The following NOTCH2NLC variants were observed in gnomAD, a reference collection of about 807,000 sequenced individuals.
NOTCH2NLC encodes the protein notch homolog 2 N-terminal-like protein C.
NOTCH2NLC carries 4 observed loss-of-function variants against 17.7 expected under a neutral mutation model. The observed-to-expected ratio is 0.23, with a 90% CI of 0.11 to 0.52. NOTCH2NLC has a LOEUF of 0.52. Ranked by LOEUF, NOTCH2NLC falls within the 20% of genes least tolerant of loss-of-function variation. The probability of loss-of-function intolerance (pLI) is 0.96; values close to 1 mark genes in which losing one functional copy is unlikely to be tolerated. For missense variants in NOTCH2NLC, 57 were observed against 207.2 expected (o/e 0.28, Z 4.45); for synonymous variants, 18 against 86.0 (o/e 0.21, Z 4.38).
At chr1:149,426,558 TCTA>T (rs1407016977) in intron 1 of NOTCH2NLC, among the ~76,000 whole-genome samples, 3 of 138,854 alleles carry the variant, frequency 2.2e-5, no homozygotes, top group African/African-American at 5.2e-5. Flanking sequence ...GAGATTGAAA[TCTA>T]CTACTTCTTT....
chr1:149,442,077 C>T (rs1178304628), intron 2 of NOTCH2NLC, among the ~76,000 whole-genome samples: 25 of 150,048 alleles, frequency 1.7e-4, no homozygotes, highest in African/African-American at 5.1e-4. Context: ...AACTAATCAG[C>T]AGGTCAGATT....
At chr1:149,441,047 G>A (rs2084516399) in intron 2 of NOTCH2NLC, among the ~76,000 whole-genome samples, 1 of 150,540 alleles carries the variant, frequency 6.6e-6, no homozygotes, top group Non-Finnish European at 1.5e-5. Context: ...AGACAGAGAG[G>A]CGGTAGGCTT....
chr1:149,417,505 A>G (rs1186352846), intron 1 of NOTCH2NLC, among the ~76,000 whole-genome samples: 1 of 151,404 alleles, frequency 6.6e-6, no homozygotes, highest in African/African-American at 2.4e-5. Flanking sequence ...CCTGGTTCAG[A>G]CATCTTGATT....
In NOTCH2NLC at chr1:149,468,952, T is replaced by C. The variant is rs2084701554; in HGVS notation, c.*4799T>C. On this transcript the variant is annotated 3_prime_UTR_variant, in exon 5 of 5. Coordinates refer to ENST00000650865, the MANE Select transcript of NOTCH2NLC (RefSeq NM_001364013.2). ...CTTGGGGGCATGTGTCATTTTCTTT[T>C]CTTTTCTTTTTTTTTTTTTTTTTTT... Among the ~76,000 whole-genome samples, 1 of 128,436 alleles carries C rather than the reference T, an allele frequency of 7.8e-6. No individual in the cohort carries two copies. Among genetic ancestry groups the C allele is most frequent in the Admixed American group, 8.0e-5 (1 of 12,518 alleles). The allele number at this position is 128,436 out of a possible 152,430, so 84.3% of individuals were successfully genotyped here.
chr1:149,427,403 A>AT (rs1243921043), intron 1 of NOTCH2NLC, among the ~76,000 whole-genome samples: 3 of 148,108 alleles, frequency 2.0e-5, no homozygotes, highest in Non-Finnish European at 4.5e-5. Flanking sequence ...CACTTAGCAT[A>AT]ATGTTCTCCA....
intron 2 of NOTCH2NLC, among the ~76,000 whole-genome samples, chr1:149,435,462 C>A (rs1410503229): frequency 1.3e-5 from 2 of 148,854 alleles, no homozygotes; most frequent in African/African-American, 5.0e-5. Flanking sequence ...GCCCTTAGTC[C>A]GATGACACAA....
intron 1 of NOTCH2NLC, among the ~76,000 whole-genome samples, chr1:149,430,497 G>A (rs1371868126): frequency 6.8e-5 from 10 of 147,518 alleles, no homozygotes; most frequent in East Asian, 2.1e-4. Flanking sequence ...GAAGCAGTCC[G>A]TTTTAAAACT....
At chr1:149,405,494 C>A (rs2084263142) in intron 1 of NOTCH2NLC, among the ~76,000 whole-genome samples, 1 of 147,194 alleles carries the variant, frequency 6.8e-6, no homozygotes, top group South Asian at 2.2e-4. Flanking sequence ...ATCACCTAGC[C>A]AGTCAGTGGT....
intron 1 of NOTCH2NLC, among the ~76,000 whole-genome samples, chr1:149,408,576 G>A (rs2084282043): frequency 6.6e-6 from 1 of 151,170 alleles, no homozygotes; most frequent in Non-Finnish European, 1.5e-5. Context: ...TGTATCTAGA[G>A]CCTGTGGGAA....
At chr1:149,402,084 C>CTT (rs1359556729) in intron 1 of NOTCH2NLC, among the ~76,000 whole-genome samples, 19 of 143,650 alleles carry the variant, frequency 1.3e-4, no homozygotes, top group African/African-American at 4.3e-4. Context: ...CTTGATTTTT[C>CTT]TTTTTTTTTT....
At chr1:149,407,236 G>A (rs1182492854) in intron 1 of NOTCH2NLC, among the ~76,000 whole-genome samples, 2 of 145,520 alleles carry the variant, frequency 1.4e-5, no homozygotes, top group Non-Finnish European at 3.0e-5. Context: ...TTGGTTTTCA[G>A]CATTGGGAAA....
chr1:149,430,976 G>T lies in NOTCH2NLC; in HGVS notation c.170G>T (p.Gly57Val), dbSNP rs2084446058. ...GGCTATGAACCCTGTGTAAATGAAG[G>T]AATGTGTGTTACCTACCACAATGGC... Reference protein sequence around the residue: ...RDGYEPCVNEGMCVTYHNGTG... With the variant: ...RDGYEPCVNEVMCVTYHNGTG... The change falls in exon 2 of 5, where the codon GGA becomes GTA. Residue 57 changes from glycine (G) to valine (V), a missense_variant. By Grantham distance (109) the Gly-to-Val change is moderately radical (BLOSUM62 -3). Coordinates refer to ENST00000650865, the MANE Select transcript of NOTCH2NLC (RefSeq NM_001364013.2). 1 of 417,686 alleles carries T rather than the reference G, an allele frequency of 2.4e-6. No homozygotes were observed. Among genetic ancestry groups the T allele is most frequent in the Admixed American group, 4.9e-5 (1 of 20,512 alleles). 25.9% of individuals were successfully genotyped at this position (417,686 alleles called of 1,614,324 possible). A position where few individuals can be genotyped will look rare whatever the true frequency, so the allele number is the denominator to read the frequency against.
chr1:149,446,476 C>T (rs2084553813), intron 2 of NOTCH2NLC, among the ~76,000 whole-genome samples: 1 of 146,814 alleles, frequency 6.8e-6, no homozygotes, highest in African/African-American at 2.5e-5. Context: ...GAAATGTGGA[C>T]CTCTCAATGT....
chr1:149,434,237 A>C, intron 2 of NOTCH2NLC, among the ~76,000 whole-genome samples: 1 of 130,692 alleles, frequency 7.7e-6, no homozygotes, highest in Admixed American at 7.8e-5. Context: ...AAGTGGACAA[A>C]GAAAAAGCAA....
intron 2 of NOTCH2NLC, among the ~76,000 whole-genome samples, chr1:149,433,529 A>G (rs1300502166): frequency 6.7e-6 from 1 of 149,714 alleles, no homozygotes; most frequent in African/African-American, 2.5e-5. Flanking sequence ...TTTGAAGATC[A>G]TTCAACTTGG....
intron 1 of NOTCH2NLC, among the ~76,000 whole-genome samples, chr1:149,422,465 A>G (rs2084384068): frequency 6.8e-6 from 1 of 147,950 alleles, no homozygotes; most frequent in South Asian, 2.2e-4. Flanking sequence ...ACATCTACCT[A>G]GGATAAAATG....
rs1273259602 is a variant in NOTCH2NLC at position 149,419,859 on chromosome 1, T to A, written c.136-11083T>A. On this transcript the variant is annotated intron_variant, in intron 1 of 4. Coordinates refer to ENST00000650865, the MANE Select transcript of NOTCH2NLC (RefSeq NM_001364013.2). The stretch of plus-strand genomic sequence containing the variant: ...TTCAGGAATATATATATATATATTT[T>A]TTTTTTTTTTTTTTTTTTTTTTCCT... Among the ~76,000 whole-genome samples, 283 of 109,908 alleles carry A rather than the reference T, an allele frequency of 2.6e-3. 2 individuals carry two copies. Among genetic ancestry groups the A allele is most frequent in the East Asian group, 7.7e-3 (25 of 3,232 alleles). 72.1% of individuals were successfully genotyped at this position (109,908 alleles called of 152,430 possible). A position where few individuals can be genotyped will look rare whatever the true frequency, so the allele number is the denominator to read the frequency against.
rs1314665181 is a variant in NOTCH2NLC, at chr1:149,469,034, G to A, written c.*4881G>A. Among the ~76,000 whole-genome samples the A allele has an allele frequency of 2.6e-5, 3 of 113,996 alleles. No homozygotes were observed. The highest frequency in any genetic ancestry group is 3.5e-5 in the Non-Finnish European group (2 of 56,590). 74.8% of individuals were successfully genotyped at this position (113,996 alleles called of 152,430 possible). Reference sequence around the variant, plus strand: ...GGCTGGAGTGCAATGGTGCTATCTCGGCTCACTGCAACCTCCACCTCCCGG... The same window carrying A: ...GGCTGGAGTGCAATGGTGCTATCTCAGCTCACTGCAACCTCCACCTCCCGG... On this transcript the variant is annotated 3_prime_UTR_variant, in exon 5 of 5. Transcript: ENST00000650865.
At chr1:149,445,784 A>T (rs2084548426) in intron 2 of NOTCH2NLC, among the ~76,000 whole-genome samples, 1 of 149,680 alleles carries the variant, frequency 6.7e-6, no homozygotes, top group Non-Finnish European at 1.5e-5. Context: ...TAGTTTTTTT[A>T]AAAATCATGA....
Sources: allele counts gnomAD v4.1 joint callset (sites outside exome capture counted in the v4.1 genomes callset), GRCh38; gene constraint gnomAD v4.1.1; transcripts MANE v1.5; gene names NCBI Gene and HGNC (gene_info 2026-07-23, HGNC 2026-07-21).